The following PRORP variants were observed in gnomAD, a reference collection of about 807,000 sequenced individuals.
PRORP encodes the protein mitochondrial ribonuclease P catalytic subunit.
PRORP carries 51 observed loss-of-function variants against 59.4 expected under a neutral mutation model. The ratio of observed to expected loss-of-function variants is 0.86; its 90% confidence interval spans 0.69 to 1.08. PRORP has a LOEUF of 1.08. PRORP is among the 50% of genes least tolerant of loss of function. The pLI, the probability that PRORP is intolerant of heterozygous loss-of-function variation, is 0.00. For synonymous variants in PRORP, 231 were observed against 245.6 expected, an observed-to-expected ratio of 0.94 and a Z score of 0.55; for missense variants, 646 against 690.3, an observed-to-expected ratio of 0.94 and a Z score of 0.72.
At chr14:35,199,057 A>G (rs1272542601) in intron 5 of PRORP, among the ~76,000 whole-genome samples, 2 of 151,944 alleles carry the variant, frequency 1.3e-5, no homozygotes, top group Non-Finnish European at 2.9e-5. Flanking sequence ...AATCCCAGCT[A>G]CTCCGGAGGC....
intron 5 of PRORP, among the ~76,000 whole-genome samples, chr14:35,218,804 G>T (rs778961018): frequency 4.6e-5 from 7 of 152,008 alleles, no homozygotes; most frequent in Non-Finnish European, 8.8e-5. Context: ...GGGATTAAAG[G>T]CATGAGCCAC....
At chr14:35,130,425 T>A (rs1325705978) in intron 4 of PRORP, among the ~76,000 whole-genome samples, 2 of 152,148 alleles carry the variant, frequency 1.3e-5, no homozygotes, top group African/African-American at 2.4e-5. Flanking sequence ...TGTGTACTTA[T>A]TATTAACAGT....
At chr14:35,134,200 G>A (rs1357791168) in intron 4 of PRORP, among the ~76,000 whole-genome samples, 1 of 152,156 alleles carries the variant, frequency 6.6e-6, no homozygotes, top group Non-Finnish European at 1.5e-5. Context: ...ATAAGACACA[G>A]TTCTTCCCAC....
intron 4 of PRORP, among the ~76,000 whole-genome samples, chr14:35,162,271 A>G (rs1037555945): frequency 1.9e-4 from 29 of 152,276 alleles, no homozygotes; most frequent in African/African-American, 6.7e-4. Flanking sequence ...CAATGGAGAC[A>G]TATTAATTTT....
intron 4 of PRORP, among the ~76,000 whole-genome samples, chr14:35,180,416 T>A (rs761640423): frequency 6.6e-6 from 1 of 152,306 alleles, no homozygotes; most frequent in South Asian, 2.1e-4. Context: ...AAATTACATA[T>A]GAAAGTGCTT....
intron 5 of PRORP, among the ~76,000 whole-genome samples, chr14:35,194,202 C>G (rs1392385112): frequency 6.6e-6 from 1 of 152,130 alleles, no homozygotes; most frequent in African/African-American, 2.4e-5. Flanking sequence ...GTATTTTACT[C>G]TCTTTGTAGC....
chr14:35,161,155 TATAA>T (rs753642860), intron 4 of PRORP, among the ~76,000 whole-genome samples: 2 of 152,204 alleles, frequency 1.3e-5, no homozygotes, highest in Non-Finnish European at 2.9e-5. Context: ...CCCAAAGAGT[TATAA>T]ATGTTGACAA....
intron 4 of PRORP, among the ~76,000 whole-genome samples, chr14:35,155,551 G>C (rs894159845): frequency 8.0e-6 from 1 of 124,720 alleles, no homozygotes; most frequent in Non-Finnish European, 1.7e-5. Context: ...GCGAGACCTG[G>C]TGTCTATTTA....
At chr14:35,136,890 A>G (rs1030565176) in intron 4 of PRORP, among the ~76,000 whole-genome samples, 8 of 145,938 alleles carry the variant, frequency 5.5e-5, no homozygotes, top group Non-Finnish European at 1.2e-4. Context: ...AAGGAAGGTC[A>G]GAGAAGAAGT....
intron 5 of PRORP, among the ~76,000 whole-genome samples, chr14:35,182,458 A>G (rs942554648): frequency 1.3e-5 from 2 of 152,028 alleles, no homozygotes; most frequent in Non-Finnish European, 2.9e-5. Flanking sequence ...CAGCCTGGCC[A>G]ACATGGTGAA....
chr14:35,130,971 A>T (rs1356448907), intron 4 of PRORP, among the ~76,000 whole-genome samples: 1 of 143,214 alleles, frequency 7.0e-6, no homozygotes, highest in Non-Finnish European at 1.5e-5. Context: ...TTTTTGAGGC[A>T]GTCACTCTGT....
In PRORP at chr14:35,274,490, AT is replaced by A. The variant is rs1207336986; in HGVS notation, c.*927del. ...TAGTAAGATCTCATTTCTACAAAAA[AT>A]TTAAAAATTAGCCAGGCATGGTAGT... is the stretch of plus-strand genomic sequence containing the variant. On this transcript the variant is annotated 3_prime_UTR_variant, in exon 8 of 8. Transcript: ENST00000534898. 1.3e-5 allele frequency: 2 copies of A among 152,110 alleles called. No homozygotes were observed. The highest frequency in any genetic ancestry group is 2.9e-5 in the Non-Finnish European group (2 of 68,028). The allele number at this position is 152,110 out of a possible 1,614,324, so 9.4% of individuals were successfully genotyped here.
Position 35,124,021 on chromosome 14 carries a change from A to G in PRORP, c.776A>G (p.Asp259Gly). 2.5e-6 allele frequency: 4 copies of G among 1,613,902 alleles called. No homozygotes were observed. The highest frequency in any genetic ancestry group is 3.4e-6 in the Non-Finnish European group (4 of 1,179,872). ...DCIQGALLHQ[D>G]VNTAWNLYQE... ...ATCCAGGGAGCTCTCCTTCATCAAG[A>G]TGTAAACACAGCTTGGAATTTATAT... Residue 259 changes from aspartate to glycine, a missense_variant, in exon 2 of 8, where the codon GAT becomes GGT. Physicochemically the swap from Asp to Gly is moderately conservative, Grantham distance 94. Transcript: ENST00000534898.
intron 4 of PRORP, among the ~76,000 whole-genome samples, chr14:35,133,341 T>G: frequency 6.6e-6 from 1 of 151,808 alleles, no homozygotes; most frequent in East Asian, 1.9e-4. Context: ...AGCTTCAGAA[T>G]TTCTGCTTGA....
intron 4 of PRORP, among the ~76,000 whole-genome samples, chr14:35,160,969 A>G (rs6571696): frequency 0.43 from 65,589 of 152,014 alleles, 14,448 homozygotes; most frequent in East Asian, 0.68. Flanking sequence ...CCCCTGAATC[A>G]GAATACCTGG....
intron 4 of PRORP, among the ~76,000 whole-genome samples, chr14:35,132,869 A>C (rs1326191635): frequency 6.6e-6 from 1 of 151,494 alleles, no homozygotes; most frequent in Admixed American, 6.6e-5. Flanking sequence ...GAAGGAAAGT[A>C]AGTTTGATCA....
At chr14:35,173,820 CAATT>C (rs1252153380) in intron 4 of PRORP, among the ~76,000 whole-genome samples, 11 of 151,946 alleles carry the variant, frequency 7.2e-5, no homozygotes, top group African/African-American at 2.7e-4. Context: ...TGATGAGACT[CAATT>C]GATGCTTCTT....
At position 35,123,131 on chromosome 14, in the gene PRORP, TTTAA is replaced by T; in HGVS notation, c.-114_-111del. Reference sequence around the variant, plus strand: ...GTCTGTAAGGAAGAAACACAAACCTTTTAAAAAGTTCCACTTCGACTCTGCACCG... The same window carrying T: ...GTCTGTAAGGAAGAAACACAAACCTTAAAGTTCCACTTCGACTCTGCACCG... On this transcript the variant is annotated 5_prime_UTR_variant, in exon 2 of 8. Transcript: ENST00000534898. The T allele has an allele frequency of 9.3e-7, 1 of 1,076,242 alleles. No individual in the cohort carries two copies. The highest frequency in any genetic ancestry group is 1.3e-6 in the Non-Finnish European group (1 of 752,306). 66.7% of individuals were successfully genotyped at this position (1,076,242 alleles called of 1,614,324 possible). A position where few individuals can be genotyped will look rare whatever the true frequency, so the allele number is the denominator to read the frequency against.
intron 4 of PRORP, among the ~76,000 whole-genome samples, chr14:35,145,720 A>T (rs1018971349): frequency 8.8e-6 from 1 of 113,418 alleles, no homozygotes; most frequent in African/African-American, 2.7e-5. Flanking sequence ...CTCCATCTCA[A>T]AAAAGAAAGA....
Sources: allele counts gnomAD v4.1 joint callset (sites outside exome capture counted in the v4.1 genomes callset), GRCh38; gene constraint gnomAD v4.1.1; transcripts MANE v1.5; gene names NCBI Gene and HGNC (gene_info 2026-07-23, HGNC 2026-07-21).